KIAA1328: variants seen among roughly 807,000 people sequenced by gnomAD.
The protein encoded by KIAA1328 is KIAA1328.
In KIAA1328, 52 loss-of-function variants were observed where a neutral mutation model predicts 68.1. That is an observed-to-expected ratio of 0.76 (90% CI 0.61 to 0.96). The LOEUF (loss-of-function observed/expected upper bound fraction) is 0.96, where lower values mean the gene tolerates loss of function less well. Ranked by LOEUF, KIAA1328 falls within the 40% of genes least tolerant of loss-of-function variation. The pLI is 0.00. For missense variants in KIAA1328, 641 were observed against 677.6 expected, an observed-to-expected ratio of 0.95 and a Z score of 0.60; for synonymous variants, 232 against 239.4, an observed-to-expected ratio of 0.97 and a Z score of 0.28.
At chr18:37,115,195 G>A (rs2058067844) in intron 7 of KIAA1328, among the ~76,000 whole-genome samples, 1 of 152,138 alleles carries the variant, frequency 6.6e-6, no homozygotes. Flanking sequence ...ACTAAAGCCG[G>A]GCAGAGGCAT....
At chr18:37,182,951 C>A (rs921873069) in intron 9 of KIAA1328, among the ~76,000 whole-genome samples, 4 of 152,152 alleles carry the variant, frequency 2.6e-5, no homozygotes, top group African/African-American at 9.7e-5. Flanking sequence ...ATACTGGCCC[C>A]TCTGCCAAAT....
At chr18:36,948,818 G>A (rs748486331) in intron 5 of KIAA1328, among the ~76,000 whole-genome samples, 125 of 152,328 alleles carry the variant, frequency 8.2e-4, no homozygotes, top group Non-Finnish European at 1.6e-3. Context: ...CAGAGTGCTG[G>A]GATTACAGGC....
chr18:37,207,907 TCA>T, intron 9 of KIAA1328, among the ~76,000 whole-genome samples: 1 of 152,182 alleles, frequency 6.6e-6, no homozygotes, highest in Non-Finnish European at 1.5e-5. Flanking sequence ...CCTCCTGGGT[TCA>T]AGCGATTCTC....
intron 3 of KIAA1328, among the ~76,000 whole-genome samples, chr18:36,839,161 C>T (rs868555678): frequency 1.2e-4 from 19 of 152,130 alleles, no homozygotes; most frequent in Middle Eastern, 6.8e-3. Flanking sequence ...TTTTTGTTTC[C>T]CTCTCTTTCT....
chr18:36,954,373 C>T (rs1312178819), intron 5 of KIAA1328: 3 of 152,084 alleles, frequency 2.0e-5, no homozygotes, highest in Admixed American at 6.6e-5. Flanking sequence ...AAAACATAAG[C>T]GATGATGCCT....
At chr18:36,851,095 A>G (rs2047198217) in intron 4 of KIAA1328, among the ~76,000 whole-genome samples, 1 of 152,044 alleles carries the variant, frequency 6.6e-6, no homozygotes, top group African/African-American at 2.4e-5. Context: ...TTTTTCTGCT[A>G]ATATGCTGTA....
intron 7 of KIAA1328, among the ~76,000 whole-genome samples, chr18:37,159,243 A>G (rs2059223651): frequency 6.6e-6 from 1 of 152,208 alleles, no homozygotes; most frequent in Non-Finnish European, 1.5e-5. Context: ...ACATTTATAG[A>G]AGATTATGTG....
chr18:37,222,859 C>T lies in KIAA1328; in HGVS notation c.*632C>T. On this transcript the variant is annotated 3_prime_UTR_variant, in exon 10 of 10. Coordinates refer to ENST00000280020, the MANE Select transcript of KIAA1328 (RefSeq NM_020776.3). ...GAGCTCAATGGGCTGGAGGGTGAGACCCAGCCAATCCTTGGGAGCAAGCAG... is the reference window on the plus strand; with the variant it reads ...GAGCTCAATGGGCTGGAGGGTGAGATCCAGCCAATCCTTGGGAGCAAGCAG... 1 of 988,056 alleles carries T rather than the reference C, an allele frequency of 1.0e-6. No individual in the cohort carries two copies. Among genetic ancestry groups the T allele is most frequent in the Non-Finnish European group, 1.2e-6 (1 of 831,900 alleles). The allele number at this position is 988,056 out of a possible 1,614,324, so 61.2% of individuals were successfully genotyped here. A position where few individuals can be genotyped will look rare whatever the true frequency, so the allele number is the denominator to read the frequency against.
downstream of KIAA1328, among the ~76,000 whole-genome samples, chr18:37,226,959 G>C (rs745334171): frequency 7.9e-5 from 12 of 152,138 alleles, no homozygotes; most frequent in Non-Finnish European, 1.8e-4. Context: ...TAGAGACGGG[G>C]TTTCCCCATG....
At chr18:36,924,611 G>C (rs1184600213) in intron 5 of KIAA1328, among the ~76,000 whole-genome samples, 2 of 152,108 alleles carry the variant, frequency 1.3e-5, no homozygotes, top group African/African-American at 4.8e-5. Context: ...TAAAACTCAG[G>C]ATCAGATATG....
At chr18:36,871,580 G>A (rs2047946532) in intron 4 of KIAA1328, among the ~76,000 whole-genome samples, 1 of 151,954 alleles carries the variant, frequency 6.6e-6, no homozygotes, top group African/African-American at 2.4e-5. Context: ...ACATAAGAGT[G>A]AAAACAAATG....
intron 1 of KIAA1328, among the ~76,000 whole-genome samples, chr18:36,831,298 G>A (rs187623719): frequency 2.0e-4 from 30 of 152,060 alleles, no homozygotes; most frequent in African/African-American, 7.0e-4. Context: ...GTGACTCAAT[G>A]GCACCTTTTT....
Position 37,035,109 on chromosome 18 carries a change from A to G in KIAA1328, c.577-31781A>G, listed in dbSNP as rs1599037826. On this transcript the variant is annotated intron_variant, in intron 6 of 9. Coordinates refer to ENST00000280020, the MANE Select transcript of KIAA1328 (RefSeq NM_020776.3). ...ATAGATATGTAGATATAGACCAGTCATAGGGGAGGAGGCCAGAGCAGGAAA... is the reference window on the plus strand; with the variant it reads ...ATAGATATGTAGATATAGACCAGTCGTAGGGGAGGAGGCCAGAGCAGGAAA... 3.9e-5 allele frequency among the ~76,000 whole-genome samples: 6 copies of G among 152,232 alleles called. 2 individuals are homozygous for G. Among genetic ancestry groups the G allele is most frequent in the Admixed American group, 3.9e-4 (6 of 15,284 alleles).
chr18:37,045,148 G>A (rs2055415325), intron 6 of KIAA1328, among the ~76,000 whole-genome samples: 1 of 152,048 alleles, frequency 6.6e-6, no homozygotes, highest in African/African-American at 2.4e-5. Context: ...TGAAATAGAG[G>A]TCTTTTGAGG....
Position 37,185,658 on chromosome 18 carries a change from A to G in KIAA1328, c.1523+12577A>G, listed in dbSNP as rs2059781194. ...GCTAATGTATCTTCAGCTCAGCTGG[A>G]CATTTTTGTATACACTGTTGATATA... On this transcript the variant is annotated intron_variant, in intron 9 of 9. Transcript: ENST00000280020. Among the ~76,000 whole-genome samples the G allele has an allele frequency of 2.6e-5, 4 of 152,046 alleles. No homozygotes were observed. The South Asian group carries it at 8.3e-4, about 32-fold the overall frequency.
chr18:36,925,993 T>A (rs919233110), intron 5 of KIAA1328, among the ~76,000 whole-genome samples: 12 of 151,488 alleles, frequency 7.9e-5, no homozygotes, highest in Non-Finnish European at 1.6e-4. Context: ...TATCTCAACT[T>A]TTTTTTTTCT....
chr18:37,152,334 A>G (rs323287), intron 7 of KIAA1328, among the ~76,000 whole-genome samples: 141,154 of 152,142 alleles, frequency 0.93, 65,611 homozygotes, highest in East Asian at 1. Flanking sequence ...AAACTAAATG[A>G]CAGATAAAGG....
chr18:37,121,094 TTTTTAAAG>T lies in KIAA1328; in HGVS notation c.1233-39100_1233-39093del, dbSNP rs1470987406. Among the ~76,000 whole-genome samples the T allele has an allele frequency of 2.6e-5, 4 of 152,108 alleles. No individual in the cohort carries two copies. The East Asian group carries it at 7.7e-4, about 29-fold the overall frequency. On this transcript the variant is annotated intron_variant, in intron 7 of 9. Transcript: ENST00000280020. ...TAAAAACCAAAACCATGAAGCTGGA[TTTTTAAAG>T]TTTTAGAGTTTAAAGAGCCTATAAA... is the stretch of plus-strand genomic sequence containing the variant.
chr18:36,987,133 C>T (rs12456588), intron 6 of KIAA1328, among the ~76,000 whole-genome samples: 14,023 of 26,024 alleles, frequency 0.54, 4,537 homozygotes, highest in South Asian at 0.78. Context: ...GGCACATATA[C>T]ACCATGGAAT....
Sources: gnomAD v4.1 joint callset for allele counts (sites outside exome capture counted in the v4.1 genomes callset) on GRCh38, gnomAD v4.1.1 for gene constraint, MANE v1.5 for transcripts, NCBI Gene and HGNC (gene_info 2026-07-23, HGNC 2026-07-21) for gene names.